The following FZD3 variants were observed in gnomAD, a reference collection of about 807,000 sequenced individuals.
The protein encoded by FZD3 is frizzled class receptor 3, also known as frizzled-3.
Under a neutral mutation model 60.7 loss-of-function variants are expected in FZD3, and 30 were observed. The observed-to-expected ratio is 0.49, with a 90% CI of 0.37 to 0.67. The LOEUF is 0.67. FZD3 is among the 30% of genes least tolerant of loss of function. The probability of loss-of-function intolerance (pLI) is 0.00; values close to 1 mark genes in which losing one functional copy is unlikely to be tolerated. For synonymous variants in FZD3, 246 were observed against 275.2 expected (o/e 0.89, Z 1.05); for missense variants, 605 against 838.7 (o/e 0.72, Z 3.44).
chr8:28,522,197 C>T (rs552913879), intron 4 of FZD3, among the ~76,000 whole-genome samples: 17 of 150,326 alleles, frequency 1.1e-4, no homozygotes, highest in South Asian at 1.1e-3. Context: ...CTTCACCTCC[C>T]GGGTTCAAGC....
chr8:28,527,231 G>A lies in FZD3; in HGVS notation c.471G>A (p.Val157=). The part of the protein sequence containing the change: ...GEPTEGAPVA[V]QRDYGFWCPR... ...CAACTGAAGGAGCCCCAGTGGCAGT[G>A]CAGAGAGACTATGGTTTTTGGTGTC... Residue 157 remains valine, a synonymous_variant, in exon 5 of 8, where the codon GTG becomes GTA. Coordinates refer to ENST00000240093, the MANE Select transcript of FZD3 (RefSeq NM_017412.4). The surrounding 1 kb of genome is among the most constrained non-coding windows in gnomAD (Gnocchi z 5.0). The A allele has an allele frequency of 1.2e-6, 2 of 1,613,976 alleles. No homozygotes were observed. The highest frequency in any genetic ancestry group is 1.1e-5 in the South Asian group (1 of 91,074).
chr8:28,502,804 A>C lies in FZD3; in HGVS notation c.-210A>C. 1 of 367,616 alleles carries C rather than the reference A, an allele frequency of 2.7e-6. No homozygotes were observed. Among genetic ancestry groups the C allele is most frequent in the Non-Finnish European group, 4.9e-6 (1 of 205,480 alleles). The allele number at this position is 367,616 out of a possible 1,614,324, so 22.8% of individuals were successfully genotyped here. A position where few individuals can be genotyped will look rare whatever the true frequency, so the allele number is the denominator to read the frequency against. ...TGAAAAGAAGAGACAAGATGATGTC[A>C]TTTTCCCATATTGTGAAACCAAAAA... is the stretch of plus-strand genomic sequence containing the variant. On this transcript the variant is annotated 5_prime_UTR_variant, in exon 3 of 8. Coordinates refer to ENST00000240093, the MANE Select transcript of FZD3 (RefSeq NM_017412.4).
chr8:28,549,562 CTTTT>C (rs1805366331), intron 5 of FZD3, among the ~76,000 whole-genome samples: 1 of 151,772 alleles, frequency 6.6e-6, no homozygotes, highest in Non-Finnish European at 1.5e-5. Context: ...AGCTTTATTT[CTTTT>C]ATCTAATTGC....
At chr8:28,512,391 A>G (rs1804312366) in intron 3 of FZD3, among the ~76,000 whole-genome samples, 1 of 152,152 alleles carries the variant, frequency 6.6e-6, no homozygotes, top group African/African-American at 2.4e-5. Flanking sequence ...TGAAAAACAT[A>G]TATGCATGTT....
intron 6 of FZD3, among the ~76,000 whole-genome samples, chr8:28,553,855 A>G (rs1805456663): frequency 1.3e-5 from 2 of 152,376 alleles, no homozygotes; most frequent in South Asian, 4.1e-4. Context: ...GGCACATTTA[A>G]TACTCAAAGC....
At chr8:28,538,636 A>G (rs892505572) in intron 5 of FZD3, among the ~76,000 whole-genome samples, 8 of 152,120 alleles carry the variant, frequency 5.3e-5, no homozygotes, top group Admixed American at 6.6e-5. Context: ...AGTTCTGGCT[A>G]TATCTCTAAC....
chr8:28,504,938 G>C (rs1804096792), intron 3 of FZD3, among the ~76,000 whole-genome samples: 1 of 152,202 alleles, frequency 6.6e-6, no homozygotes, highest in Non-Finnish European at 1.5e-5. Context: ...TTGAATTTCA[G>C]ACACTGACAT....
chr8:28,555,667 T>G lies in FZD3; in HGVS notation c.1554-71T>G. 4 of 842,948 alleles carry G rather than the reference T, an allele frequency of 4.7e-6. No individual in the cohort carries two copies. The Admixed American group carries it at 7.6e-5, about 16-fold the overall frequency. 52.2% of individuals were successfully genotyped at this position (842,948 alleles called of 1,614,324 possible). ...TAATTTCAAGAATAATATCAGTGTT[T>G]CAGAGAAGTATTGCTTATTGGTCTG... On this transcript the variant is annotated intron_variant, in intron 6 of 7. Transcript: ENST00000240093.
chr8:28,510,707 A>G (rs1039087557), intron 3 of FZD3, among the ~76,000 whole-genome samples: 2 of 152,208 alleles, frequency 1.3e-5, no homozygotes, highest in African/African-American at 2.4e-5. Flanking sequence ...AGAATTGGTT[A>G]TAAGGATCAA....
In FZD3 at chr8:28,555,722, C is replaced by T. The variant is rs1045478208; in HGVS notation, c.1554-16C>T. On this transcript the variant is annotated splice_polypyrimidine_tract_variant and intron_variant, in intron 6 of 7. Transcript: ENST00000240093. Reference sequence around the variant, plus strand: ...AAGATTGGTATGTATCTTAAACTTACTATTTTGTTGTCTAGGATAGTGAAT... The same window carrying T: ...AAGATTGGTATGTATCTTAAACTTATTATTTTGTTGTCTAGGATAGTGAAT... 8 of 1,431,062 alleles carry T rather than the reference C, an allele frequency of 5.6e-6. No homozygotes were observed. The highest frequency in any genetic ancestry group is 5.0e-5 in the Admixed American group (3 of 59,636). The allele number at this position is 1,431,062 out of a possible 1,614,324, so 88.6% of individuals were successfully genotyped here.
In FZD3 at chr8:28,551,648, T is replaced by C. The variant is rs1420284442; in HGVS notation, c.1450T>C (p.Tyr484His). 53 of 1,610,876 alleles carry C rather than the reference T, an allele frequency of 3.3e-5. No homozygotes were observed. The highest frequency in any genetic ancestry group is 4.4e-5 in the Non-Finnish European group (52 of 1,177,224). Residue 484 changes from tyrosine (Y) to histidine (H), a missense_variant, in exon 6 of 8, where the codon TAC becomes CAC. Coordinates refer to ENST00000240093, the MANE Select transcript of FZD3 (RefSeq NM_017412.4). ...AGACTTGATTCTCTTTCTGATGAAA[T>C]ACCTGATGGCTCTCATAGTTGGCAT... ...RPDLILFLMK[Y>H]LMALIVGIPS...
rs1272268621 is a variant in FZD3, at chr8:28,551,516, C to CAAAAGA, written c.1405-74_1405-69dup. Reference sequence around the variant, plus strand: ...GGGTGACAAGAACAAAACTCTGTCTCAAAAGAAAAAGAAAAAGATTTCATA... The same window carrying CAAAAGA: ...GGGTGACAAGAACAAAACTCTGTCTCAAAAGAAAAAGAAAAAGAAAAAGATTTCATA... On this transcript the variant is annotated intron_variant, in intron 5 of 7. Transcript: ENST00000240093. 11 of 1,075,762 alleles carry CAAAAGA rather than the reference C, an allele frequency of 1.0e-5. No individual in the cohort carries two copies. The East Asian group carries it at 2.4e-4, about 23-fold the overall frequency. 66.6% of individuals were successfully genotyped at this position (1,075,762 alleles called of 1,614,324 possible).
At chr8:28,550,768 ATG>A (rs1421544290) in intron 5 of FZD3, among the ~76,000 whole-genome samples, 6 of 34,402 alleles carry the variant, frequency 1.7e-4, no homozygotes, top group African/African-American at 3.6e-4. Flanking sequence ...CTGGGATTAC[ATG>A]CATGAACCAC....
intron 5 of FZD3, among the ~76,000 whole-genome samples, chr8:28,528,797 A>C (rs1007350197): frequency 6.6e-6 from 1 of 152,170 alleles, no homozygotes; most frequent in Non-Finnish European, 1.5e-5. Flanking sequence ...TGAGTAGTAA[A>C]TGAACAGCTG....
intron 3 of FZD3, among the ~76,000 whole-genome samples, chr8:28,512,579 AC>A (rs1804317547): frequency 6.6e-6 from 1 of 152,048 alleles, no homozygotes; most frequent in Non-Finnish European, 1.5e-5. Flanking sequence ...AAATAGTAAA[AC>A]TAGTAAAGAA....
chr8:28,550,049 C>T (rs992829972), intron 5 of FZD3, among the ~76,000 whole-genome samples: 4 of 151,948 alleles, frequency 2.6e-5, no homozygotes, highest in Admixed American at 2.0e-4. Flanking sequence ...TAATTTTAAT[C>T]GTTTTCTTTG....
chr8:28,499,055 A>T (rs1803922152), intron 1 of FZD3, among the ~76,000 whole-genome samples: 1 of 152,172 alleles, frequency 6.6e-6, no homozygotes, highest in Non-Finnish European at 1.5e-5. Context: ...TAGTCAATAA[A>T]CCAGTCATTT....
At chr8:28,525,788 C>T (rs1230850825) in intron 4 of FZD3, among the ~76,000 whole-genome samples, 3 of 152,104 alleles carry the variant, frequency 2.0e-5, no homozygotes. Context: ...TTGGAGGCCC[C>T]TCTAGAAGTC....
At chr8:28,518,266 C>CAGGCTGGTCTCAA (rs932594211) in intron 3 of FZD3, among the ~76,000 whole-genome samples, 1 of 151,172 alleles carries the variant, frequency 6.6e-6, no homozygotes, top group African/African-American at 2.4e-5. Context: ...CTGTTTTGCC[C>CAGGCTGGTCTCAA]AGGCTGGTCT....
Sources: allele counts gnomAD v4.1 joint callset (sites outside exome capture counted in the v4.1 genomes callset), GRCh38; gene constraint gnomAD v4.1.1; non-coding constraint Gnocchi (gnomAD v3.1); transcripts MANE v1.5; gene names NCBI Gene and HGNC (gene_info 2026-07-23, HGNC 2026-07-21).